Variants in CELF2 observed in about 807,000 individuals in gnomAD.
CELF2 encodes CUGBP Elav-like family member 2.
CELF2 carries 8 observed loss-of-function variants against 62.6 expected under a neutral mutation model. That is an observed-to-expected ratio of 0.13 (90% CI 0.07 to 0.23). CELF2 has a LOEUF of 0.23. CELF2 is among the 10% of genes least tolerant of loss of function. The pLI, the probability that CELF2 is intolerant of heterozygous loss-of-function variation, is 1.00. For missense variants in CELF2, 333 were observed against 671.0 expected (o/e 0.50, Z 5.56); for synonymous variants, 258 against 250.0 (o/e 1.03, Z -0.30).
At position 11,099,884 on chromosome 10, in the gene CELF2, C is replaced by CA. The variant is rs869282674; in HGVS notation, c.75-65584dup. The stretch of plus-strand genomic sequence containing the variant: ...TTCTACATTAAAACAACAACAACAA[C>CA]AAAAAAAAAAAAAAAAAACAGAAAA... On this transcript the variant is annotated intron_variant, in intron 1 of 12. Coordinates refer to ENST00000633077, the MANE Select transcript of CELF2 (RefSeq NM_001326342.2). Among the ~76,000 whole-genome samples the CA allele has an allele frequency of 5.5e-3, 512 of 93,498 alleles. 2 individuals carry two copies. Among genetic ancestry groups the CA allele is most frequent in the African/African-American group, 7.2e-3 (138 of 19,248 alleles). 61.3% of individuals were successfully genotyped at this position (93,498 alleles called of 152,430 possible). A position where few individuals can be genotyped will look rare whatever the true frequency, so the allele number is the denominator to read the frequency against.
chr10:10,888,523 C>T (rs986768059), intron 1 of CELF2, among the ~76,000 whole-genome samples: 4 of 152,252 alleles, frequency 2.6e-5, no homozygotes, highest in Middle Eastern at 3.4e-3. Flanking sequence ...ACAGAGACTT[C>T]GTTTTACATA....
chr10:10,936,816 G>A lies in CELF2; in HGVS notation c.89+16817G>A, dbSNP rs777148534. Reference sequence around the variant, plus strand: ...AATTTAGGTGGCTATGGAAGTGACCGGAGGATTGTGTTTAAATGCATGTTC... The same window carrying A: ...AATTTAGGTGGCTATGGAAGTGACCAGAGGATTGTGTTTAAATGCATGTTC... On this transcript the variant is annotated intron_variant, in intron 2 of 13. Coordinates refer to the CELF2 transcript ENST00000636488. This position sits in a 1 kb window ranked among gnomAD's most constrained non-coding sequence, Gnocchi z 4.0. 7.2e-5 allele frequency: 11 copies of A among 152,212 alleles called. No individual in the cohort carries two copies. The highest frequency in any genetic ancestry group is 1.0e-4 in the Non-Finnish European group (7 of 68,054). 9.4% of individuals were successfully genotyped at this position (152,212 alleles called of 1,614,324 possible).
intron 1 of CELF2, among the ~76,000 whole-genome samples, 180 bp downstream of exon 1, chr10:11,018,343 A>T (rs1250073921): frequency 2.0e-5 from 3 of 151,398 alleles, no homozygotes; most frequent in Non-Finnish European, 4.4e-5. Context: ...GGTGCGGACG[A>T]GCAGCGCCGG....
chr10:11,231,478 A>T (rs1233643244), intron 3 of CELF2, among the ~76,000 whole-genome samples: 1 of 152,168 alleles, frequency 6.6e-6, no homozygotes, highest in Non-Finnish European at 1.5e-5. Context: ...GGAGGAGACA[A>T]GCTAGGGTAT....
intron 1 of CELF2, among the ~76,000 whole-genome samples, chr10:10,816,245 T>C (rs889056083): frequency 2.2e-4 from 33 of 152,214 alleles, no homozygotes; most frequent in African/African-American, 7.7e-4. Context: ...CTGTGTTTCA[T>C]AAATCCATTG....
At chr10:10,814,080 C>T (rs1249907189) in intron 1 of CELF2, among the ~76,000 whole-genome samples, 1 of 152,034 alleles carries the variant, frequency 6.6e-6, no homozygotes, top group Non-Finnish European at 1.5e-5. Context: ...AGGCTCAGCA[C>T]CTCTACTCTC....
chr10:11,182,223 T>A (rs1191211373), intron 2 of CELF2, among the ~76,000 whole-genome samples: 1 of 152,218 alleles, frequency 6.6e-6, no homozygotes, highest in Non-Finnish European at 1.5e-5. Flanking sequence ...TCAGGAACAA[T>A]TCCATTCTGG....
At chr10:10,836,277 G>C (rs1471208780) in intron 1 of CELF2, among the ~76,000 whole-genome samples, 1 of 133,122 alleles carries the variant, frequency 7.5e-6, no homozygotes, top group Non-Finnish European at 1.7e-5. Flanking sequence ...GAGAGAGAAA[G>C]AAGAACCAGC....
chr10:11,162,882 ACC>A (rs2066046888), intron 1 of CELF2, among the ~76,000 whole-genome samples: 2 of 152,150 alleles, frequency 1.3e-5, no homozygotes, highest in Non-Finnish European at 2.9e-5. Context: ...AGTCCGCTAT[ACC>A]CATTTTACAG....
At chr10:10,555,126 G>A in the CELF2 span, among the ~76,000 whole-genome samples, 2 of 152,088 alleles carry the variant, frequency 1.3e-5, no homozygotes, top group Admixed American at 6.6e-5. Flanking sequence ...GGGTGACACC[G>A]TGGTTTTTTT....
chr10:10,735,967 T>G, the CELF2 span, among the ~76,000 whole-genome samples: 1 of 152,174 alleles, frequency 6.6e-6, no homozygotes, highest in African/African-American at 2.4e-5. Context: ...ACATGCTCAA[T>G]GAATCACCCT....
At chr10:11,218,322 T>C (rs1056789918) in intron 3 of CELF2, among the ~76,000 whole-genome samples, 2 of 152,220 alleles carry the variant, frequency 1.3e-5, no homozygotes, top group African/African-American at 2.4e-5. Context: ...AAACCTAGTT[T>C]GATAAGAATA....
At chr10:10,574,686 G>A in the CELF2 span, among the ~76,000 whole-genome samples, 1 of 146,626 alleles carries the variant, frequency 6.8e-6, no homozygotes, top group Admixed American at 6.8e-5. Flanking sequence ...CTGGCAGTAT[G>A]TATGTTAATG....
intron 2 of CELF2, among the ~76,000 whole-genome samples, chr10:10,929,977 G>C (rs186810561): frequency 2.7e-4 from 41 of 152,356 alleles, no homozygotes; most frequent in Admixed American, 2.7e-3. Context: ...CTTAAAGGAA[G>C]TATATATGCA....
chr10:10,933,541 T>C (rs1460459426), intron 2 of CELF2, among the ~76,000 whole-genome samples: 1 of 152,140 alleles, frequency 6.6e-6, no homozygotes, highest in Non-Finnish European at 1.5e-5. Flanking sequence ...CAACAAGAGC[T>C]TAGTATCCAA....
chr10:10,964,887 T>G (rs2049948689), intron 2 of CELF2, among the ~76,000 whole-genome samples: 1 of 152,130 alleles, frequency 6.6e-6, no homozygotes, highest in African/African-American at 2.4e-5. Context: ...ACGAATTAGC[T>G]ATGAAGAGCT....
the CELF2 span, among the ~76,000 whole-genome samples, chr10:10,717,604 T>G: frequency 1.3e-5 from 2 of 152,194 alleles, no homozygotes; most frequent in African/African-American, 4.8e-5. Context: ...GAGATATAGC[T>G]TTTCACTACC....
At chr10:10,900,555 T>C (rs1472860191) in intron 1 of CELF2, among the ~76,000 whole-genome samples, 2 of 152,104 alleles carry the variant, frequency 1.3e-5, no homozygotes, top group South Asian at 4.2e-4. Flanking sequence ...GAAGGGAAAG[T>C]TCTCAACCTG....
At chr10:11,257,245 GT>G (rs2079046475) in intron 4 of CELF2, among the ~76,000 whole-genome samples, 2 of 143,398 alleles carry the variant, frequency 1.4e-5, no homozygotes. Context: ...TCTGTGAAAA[GT>G]TTCATTCGCT....
Sources: gnomAD v4.1 joint callset for allele counts (sites outside exome capture counted in the v4.1 genomes callset) on GRCh38, gnomAD v4.1.1 for gene constraint, Gnocchi (gnomAD v3.1) non-coding constraint, MANE v1.5 for transcripts, NCBI Gene and HGNC (gene_info 2026-07-23, HGNC 2026-07-21) for gene names.